EPHA3: variants seen among roughly 807,000 people sequenced by gnomAD.
EPHA3 encodes the protein ephrin type-A receptor 3.
In EPHA3, 42 loss-of-function variants were observed where a neutral mutation model predicts 107.1. The observed-to-expected ratio is 0.39, with a 90% CI of 0.31 to 0.51. The LOEUF is 0.51. Ranked by LOEUF, EPHA3 falls within the 20% of genes least tolerant of loss-of-function variation. The pLI, the probability that EPHA3 is intolerant of heterozygous loss-of-function variation, is 0.78. For missense variants in EPHA3, 1,183 were observed against 1,211.2 expected, an observed-to-expected ratio of 0.98 and a Z score of 0.35; for synonymous variants, 461 against 424.8, an observed-to-expected ratio of 1.09 and a Z score of -1.05.
intron 15 of EPHA3, among the ~76,000 whole-genome samples, chr3:89,457,499 A>G (rs1484887876): frequency 6.6e-6 from 1 of 152,186 alleles, no homozygotes; most frequent in African/African-American, 2.4e-5. Flanking sequence ...TGATAATCTA[A>G]TGCCTGATGA....
At chr3:89,378,360 T>G (rs1708441119) in intron 5 of EPHA3, among the ~76,000 whole-genome samples, 1 of 152,194 alleles carries the variant, frequency 6.6e-6, no homozygotes, top group Admixed American at 6.5e-5. Context: ...TATTGACTCA[T>G]GCCGGCATCC....
At chr3:89,338,572 G>A (rs1243939130) in intron 3 of EPHA3, among the ~76,000 whole-genome samples, 3 of 152,152 alleles carry the variant, frequency 2.0e-5, no homozygotes, top group African/African-American at 4.8e-5. Flanking sequence ...TTGTTGAGAC[G>A]GAGTCTCGCT....
At chr3:89,301,957 G>A (rs1431708664) in intron 3 of EPHA3, among the ~76,000 whole-genome samples, 4 of 152,034 alleles carry the variant, frequency 2.6e-5, no homozygotes, top group Non-Finnish European at 4.4e-5. Flanking sequence ...GTGTACTCAA[G>A]TAAAGAAGGG....
intron 3 of EPHA3, among the ~76,000 whole-genome samples, chr3:89,313,493 T>C (rs1163604573): frequency 6.6e-6 from 1 of 151,984 alleles, no homozygotes; most frequent in African/African-American, 2.4e-5. Flanking sequence ...CAATCCTCCA[T>C]TGACCTTCTT....
intron 9 of EPHA3, among the ~76,000 whole-genome samples, chr3:89,410,805 C>G (rs1294503817): frequency 6.6e-6 from 1 of 151,792 alleles, no homozygotes; most frequent in Non-Finnish European, 1.5e-5. Context: ...GATAGCTTTT[C>G]CTTAATCTTA....
chr3:89,209,580 A>T (rs535657127), intron 2 of EPHA3, among the ~76,000 whole-genome samples: 1 of 152,088 alleles, frequency 6.6e-6, no homozygotes, highest in African/African-American at 2.4e-5. Flanking sequence ...AACTGATTTG[A>T]GGTTTTGATC....
intron 5 of EPHA3, among the ~76,000 whole-genome samples, chr3:89,350,080 T>A (rs1246387947): frequency 6.6e-6 from 1 of 150,974 alleles, no homozygotes; most frequent in African/African-American, 2.4e-5. Flanking sequence ...TTGGTGAATC[T>A]GATAATTATG....
intron 5 of EPHA3, among the ~76,000 whole-genome samples, chr3:89,373,813 T>C (rs983395448): frequency 4.6e-5 from 7 of 151,862 alleles, no homozygotes; most frequent in African/African-American, 1.4e-4. Flanking sequence ...CAACATATTA[T>C]ATTAACATAG....
chr3:89,417,781 C>T (rs1409136793), intron 10 of EPHA3, among the ~76,000 whole-genome samples: 1 of 151,396 alleles, frequency 6.6e-6, no homozygotes, highest in Admixed American at 6.6e-5. Context: ...TTATATCTAT[C>T]TCTGTGTGTT....
intron 13 of EPHA3, among the ~76,000 whole-genome samples, chr3:89,441,995 A>G (rs1454497731): frequency 6.6e-6 from 1 of 152,190 alleles, no homozygotes; most frequent in Non-Finnish European, 1.5e-5. Context: ...AGCTGTAGAC[A>G]GTGTTTGCTG....
chr3:89,414,374 T>C (rs577698721), intron 10 of EPHA3, among the ~76,000 whole-genome samples: 1 of 151,736 alleles, frequency 6.6e-6, no homozygotes, highest in Non-Finnish European at 1.5e-5. Context: ...AGAAAGAAAA[T>C]GGAGTAGTAA....
In EPHA3 at chr3:89,372,482, A is replaced by G. The variant is rs1401742615; in HGVS notation, c.1307-23355A>G. ...TCTAATTGAAAAAAAAAAACTTTGC[A>G]ATTTGCAATTGGCATATGTGCCACT... On this transcript the variant is annotated intron_variant, in intron 5 of 16. Transcript: ENST00000336596. Among the ~76,000 whole-genome samples the G allele has an allele frequency of 4.6e-5, 7 of 151,634 alleles. No homozygotes were observed. In the South Asian group the frequency reaches 1.0e-3, roughly 22 times the overall value.
At chr3:89,207,804 T>C (rs1576230700) in intron 2 of EPHA3, among the ~76,000 whole-genome samples, 2 of 152,244 alleles carry the variant, frequency 1.3e-5, no homozygotes, top group African/African-American at 4.8e-5. Flanking sequence ...TTCCCATGAA[T>C]AACTCTTACT....
At position 89,347,383 on chromosome 3, in the gene EPHA3, G is replaced by A. The variant is rs1457596111; in HGVS notation, c.1306+5293G>A. Among the ~76,000 whole-genome samples the A allele has an allele frequency of 3.3e-5, 5 of 149,340 alleles. 1 individual carries two copies. The highest frequency in any genetic ancestry group is 1.3e-4 in the Admixed American group (2 of 14,878). ...GTATTTTATTCTCTTTGAAGCAATT[G>A]TGAATGGGAGTTCACTCATGATTTG... On this transcript the variant is annotated intron_variant, in intron 5 of 16. Coordinates refer to ENST00000336596, the MANE Select transcript of EPHA3 (RefSeq NM_005233.6).
chr3:89,179,940 A>G (rs2107116956), intron 2 of EPHA3, among the ~76,000 whole-genome samples: 1 of 151,726 alleles, frequency 6.6e-6, no homozygotes, highest in Non-Finnish European at 1.5e-5. Context: ...TTTTTTTTCA[A>G]TACCCTGAGA....
At chr3:89,311,899 T>C (rs1360415679) in intron 3 of EPHA3, among the ~76,000 whole-genome samples, 1 of 152,038 alleles carries the variant, frequency 6.6e-6, no homozygotes, top group Non-Finnish European at 1.5e-5. Flanking sequence ...TGTTGTCCAA[T>C]GTGAAATGGC....
In EPHA3 at chr3:89,413,274, C is replaced by A; in HGVS notation, c.1888+8C>A. On this transcript the variant is annotated splice_region_variant and intron_variant, in intron 10 of 16. Transcript: ENST00000336596. ...ATAAAGTTGTTGGAGCAGGTAACCA[C>A]AATGACCCTACTGCCAACTTAGTAC... is the stretch of plus-strand genomic sequence containing the variant. 2 of 1,611,292 alleles carry A rather than the reference C, an allele frequency of 1.2e-6. No homozygotes were observed. Among genetic ancestry groups the A allele is most frequent in the Non-Finnish European group, 1.7e-6 (2 of 1,177,992 alleles).
At chr3:89,257,359 A>G (rs1705309852) in intron 3 of EPHA3, among the ~76,000 whole-genome samples, 3 of 152,136 alleles carry the variant, frequency 2.0e-5, no homozygotes, top group African/African-American at 7.2e-5. Flanking sequence ...GAAGATTGCA[A>G]TGGCTTCCTA....
At chr3:89,167,772 C>T in intron 2 of EPHA3, among the ~76,000 whole-genome samples, 1 of 152,034 alleles carries the variant, frequency 6.6e-6, no homozygotes, top group East Asian at 1.9e-4. Flanking sequence ...ATTCTCTTTT[C>T]AACTGGAGCA....
Sources: allele counts gnomAD v4.1 joint callset (sites outside exome capture counted in the v4.1 genomes callset), GRCh38; gene constraint gnomAD v4.1.1; transcripts MANE v1.5; gene names NCBI Gene and HGNC (gene_info 2026-07-23, HGNC 2026-07-21).